Variants in TBC1D5 observed in about 807,000 individuals in gnomAD.
TBC1D5 encodes the protein TBC1 domain family, member 5.
A neutral mutation model predicts 100.3 loss-of-function variants in TBC1D5; 75 were observed. That is an observed-to-expected ratio of 0.75 (90% CI 0.62 to 0.91). TBC1D5 has a LOEUF of 0.91. TBC1D5 is among the 40% of genes least tolerant of loss of function. The probability of loss-of-function intolerance (pLI) is 0.00; values close to 1 mark genes in which losing one functional copy is unlikely to be tolerated. For synonymous variants in TBC1D5, 323 were observed against 325.6 expected (o/e 0.99, Z 0.09); for missense variants, 910 against 942.4 (o/e 0.97, Z 0.45).
chr3:17,326,694 G>T (rs1235754908), intron 13 of TBC1D5, among the ~76,000 whole-genome samples: 1 of 152,196 alleles, frequency 6.6e-6, no homozygotes, highest in Non-Finnish European at 1.5e-5. Context: ...GGTTGGGCTT[G>T]AACTCCTGGG....
intron 1 of TBC1D5, among the ~76,000 whole-genome samples, chr3:17,704,389 C>T (rs1157632011): frequency 6.6e-6 from 1 of 151,904 alleles, no homozygotes; most frequent in African/African-American, 2.4e-5. Flanking sequence ...CTTTCTATTC[C>T]ACAAAGCAGC....
At chr3:17,723,026 T>C (rs1308484972) in intron 1 of TBC1D5, among the ~76,000 whole-genome samples, 2 of 152,230 alleles carry the variant, frequency 1.3e-5, no homozygotes, top group Non-Finnish European at 2.9e-5. Context: ...AATTACATTA[T>C]TGGGGTGAAA....
At chr3:17,707,390 T>TA (rs2074285571) in intron 1 of TBC1D5, among the ~76,000 whole-genome samples, 3 of 152,306 alleles carry the variant, frequency 2.0e-5, no homozygotes, top group East Asian at 3.9e-4. Context: ...AAATGTTAGT[T>TA]AACAAGATTT....
chr3:17,239,000 C>T (rs2076098913), intron 16 of TBC1D5, among the ~76,000 whole-genome samples: 1 of 152,014 alleles, frequency 6.6e-6, no homozygotes, highest in South Asian at 2.1e-4. Context: ...TGCTCCATAT[C>T]CTCCTTCTCC....
At chr3:17,218,092 C>T (rs987061954) in intron 17 of TBC1D5, among the ~76,000 whole-genome samples, 6 of 152,046 alleles carry the variant, frequency 3.9e-5, no homozygotes, top group African/African-American at 1.2e-4. Flanking sequence ...TTTCCCAGAA[C>T]TATTTGTAAA....
At chr3:17,711,166 G>A (rs1233767488) in intron 1 of TBC1D5, among the ~76,000 whole-genome samples, 1 of 152,136 alleles carries the variant, frequency 6.6e-6, no homozygotes, top group Non-Finnish European at 1.5e-5. Flanking sequence ...GAAGTCTTGA[G>A]AGAACACTAG....
intron 2 of TBC1D5, among the ~76,000 whole-genome samples, chr3:17,535,638 G>C (rs544273550): frequency 1.4e-4 from 21 of 151,938 alleles, no homozygotes; most frequent in Non-Finnish European, 2.6e-4. Context: ...AACATTTTTT[G>C]TTCCAAAGAT....
At chr3:17,219,540 G>C (rs2074048130) in intron 17 of TBC1D5, among the ~76,000 whole-genome samples, 1 of 150,780 alleles carries the variant, frequency 6.6e-6, no homozygotes. Context: ...AATAATATGT[G>C]GCAATTCTGG....
rs563714987 is a variant in TBC1D5 at position 17,186,708 on chromosome 3, T to A, written c.1753-1500A>T. The stretch of plus-strand genomic sequence containing the variant: ...CTGGGCGACAGAGCAAAACTCTATC[T>A]CCAAAAAAAAAAAAAAAAAAAAAAA... On this transcript the variant is annotated intron_variant, in intron 18 of 21. Coordinates refer to ENST00000253692, the Ensembl canonical transcript of TBC1D5. Among the ~76,000 whole-genome samples, 5 of 12,738 alleles carry A rather than the reference T, an allele frequency of 3.9e-4. No homozygotes were observed. In the East Asian group the frequency reaches 0.032, roughly 82 times the overall value. The allele number at this position is 12,738 out of a possible 152,430, so 8.4% of individuals were successfully genotyped here.
chr3:17,558,637 G>A lies in TBC1D5; in HGVS notation c.-35-50032C>T, dbSNP rs138452096. On this transcript the variant is annotated intron_variant, in intron 2 of 21. Transcript: ENST00000253692. ...GGGAGTGAGAAAGGTGAGGAAAAAC[G>A]GGTTGTTCTCAGCTAGGTATTGGCA... Among the ~76,000 whole-genome samples, 5 of 152,218 alleles carry A rather than the reference G, an allele frequency of 3.3e-5. No individual in the cohort carries two copies. The East Asian group carries it at 7.7e-4, about 24-fold the overall frequency.
intron 1 of TBC1D5, among the ~76,000 whole-genome samples, chr3:17,635,914 C>A (rs188120427): frequency 2.2e-4 from 33 of 151,916 alleles, no homozygotes; most frequent in Non-Finnish European, 4.3e-4. Flanking sequence ...ATGTTTTGGC[C>A]GGACACGGTG....
chr3:17,190,046 G>A (rs1465977978), intron 18 of TBC1D5, among the ~76,000 whole-genome samples: 2 of 152,036 alleles, frequency 1.3e-5, no homozygotes, highest in Admixed American at 6.6e-5. Flanking sequence ...GAAATGTTAG[G>A]TATCTCAGCT....
At chr3:17,692,427 G>A (rs569352480) in intron 1 of TBC1D5, among the ~76,000 whole-genome samples, 4 of 152,218 alleles carry the variant, frequency 2.6e-5, no homozygotes, top group Non-Finnish European at 4.4e-5. Context: ...TGCAAGAGTT[G>A]AATAGAGAAA....
intron 2 of TBC1D5, among the ~76,000 whole-genome samples, chr3:17,538,807 G>A (rs2096314086): frequency 6.6e-6 from 1 of 152,190 alleles, no homozygotes; most frequent in African/African-American, 2.4e-5. Context: ...GGGAGGCTAA[G>A]GCAGGCGGAT....
At chr3:17,418,043 C>G (rs933044860) in intron 4 of TBC1D5, among the ~76,000 whole-genome samples, 1 of 152,126 alleles carries the variant, frequency 6.6e-6, no homozygotes, top group Non-Finnish European at 1.5e-5. Context: ...GTCAACCAAA[C>G]TACTTCTATG....
At chr3:17,491,852 A>G (rs2095643992) in intron 3 of TBC1D5, among the ~76,000 whole-genome samples, 1 of 152,202 alleles carries the variant, frequency 6.6e-6, no homozygotes, top group Non-Finnish European at 1.5e-5. Flanking sequence ...TTCAACTGGA[A>G]TAGTTTCAGA....
intron 2 of TBC1D5, among the ~76,000 whole-genome samples, chr3:17,620,762 A>C (rs1055303307): frequency 6.6e-6 from 1 of 152,174 alleles, no homozygotes; most frequent in Admixed American, 6.5e-5. Context: ...AATTTCCTAT[A>C]TATTCAAAAA....
chr3:17,534,376 T>C (rs1478220764), intron 2 of TBC1D5, among the ~76,000 whole-genome samples: 1 of 152,206 alleles, frequency 6.6e-6, no homozygotes, highest in Admixed American at 6.5e-5. Context: ...TAAATCTTAT[T>C]GAATGTATAT....
chr3:17,471,254 C>T (rs748450193), intron 3 of TBC1D5, among the ~76,000 whole-genome samples: 7 of 152,008 alleles, frequency 4.6e-5, no homozygotes, highest in Non-Finnish European at 7.4e-5. Flanking sequence ...TTGACCTATA[C>T]GTAAAGAATT....
Sources: allele counts gnomAD v4.1 joint callset (sites outside exome capture counted in the v4.1 genomes callset), GRCh38; gene constraint gnomAD v4.1.1; transcripts MANE v1.5; gene names NCBI Gene and HGNC (gene_info 2026-07-23, HGNC 2026-07-21).